The following GTF3C2 variants were observed in gnomAD, a reference collection of about 807,000 sequenced individuals.
The protein encoded by GTF3C2 is general transcription factor 3C polypeptide 2.
Under a neutral mutation model 117.4 loss-of-function variants are expected in GTF3C2, and 17 were observed. That is an observed-to-expected ratio of 0.14 (90% CI 0.10 to 0.22). The LOEUF (loss-of-function observed/expected upper bound fraction) is 0.22. Among genes scored for constraint, GTF3C2 ranks in the 10% least tolerant of loss-of-function variants. The probability of loss-of-function intolerance (pLI) is 1.00; values close to 1 mark genes in which losing one functional copy is unlikely to be tolerated. For missense variants in GTF3C2, 888 were observed against 1,143.6 expected, an observed-to-expected ratio of 0.78 and a Z score of 3.22; for synonymous variants, 437 against 427.0, an observed-to-expected ratio of 1.02 and a Z score of -0.29.
Position 27,335,942 on chromosome 2 carries a change from C to T in GTF3C2, c.1442G>A (p.Trp481Ter). The T allele has an allele frequency of 6.2e-7, 1 of 1,612,348 alleles. No homozygotes were observed. The highest frequency in any genetic ancestry group is 8.5e-7 in the Non-Finnish European group (1 of 1,178,398). Residue 481 changes from tryptophan to a stop codon, truncating the protein, a stop_gained, in exon 9 of 19, where the codon TGG becomes TAG. Transcript: ENST00000264720. LOFTEE classifies it high-confidence loss of function. ...CTTCCGAGGGGTGCCTGGAAGTTCCCATGCTCCACTGGGGCAGAACTTGAG... is the reference window on the plus strand; with the variant it reads ...CTTCCGAGGGGTGCCTGGAAGTTCCTATGCTCCACTGGGGCAGAACTTGAG...
chr2:27,349,394 G>A (rs1170515753), intron 1 of GTF3C2, among the ~76,000 whole-genome samples: 1 of 151,700 alleles, frequency 6.6e-6, no homozygotes, highest in African/African-American at 2.4e-5. Context: ...TGATCCGCCC[G>A]CCGCGGCCTC....
At chr2:27,356,512 G>A (rs771783597) in intron 1 of GTF3C2, 2 of 230,472 alleles carry the variant, frequency 8.7e-6, no homozygotes, top group South Asian at 5.8e-5. Context: ...TGGGGGAGGA[G>A]GGCAAGACCC....
At chr2:27,350,809 C>T (rs1213930680) in intron 1 of GTF3C2, among the ~76,000 whole-genome samples, 3 of 151,614 alleles carry the variant, frequency 2.0e-5, no homozygotes, top group Admixed American at 6.6e-5. Context: ...ATTAGCCAGG[C>T]GTGGTGGAAT....
exon 19 of GTF3C2, chr2:27,326,274 A>G (rs1179413260): frequency 4.2e-6 from 2 of 473,842 alleles, no homozygotes; most frequent in Non-Finnish European, 4.3e-6. Context: ...GTCAGACAGG[A>G]GCCTTCATGC....
chr2:27,353,195 C>T (rs980251752), intron 1 of GTF3C2, among the ~76,000 whole-genome samples: 2 of 152,006 alleles, frequency 1.3e-5, no homozygotes, highest in African/African-American at 4.8e-5. Context: ...GAGATCGAGA[C>T]CATCCTGGCC....
rs558082393 is a variant in GTF3C2, at chr2:27,341,217, G to A, written c.855+731C>T. On this transcript the variant is annotated intron_variant, in intron 4 of 18. Transcript: ENST00000264720. ...TGCCTGGCTAATTTTTGTATTTTTA[G>A]GAGAGACGGGGTTTCACTATATTGG... 4.0e-5 allele frequency among the ~76,000 whole-genome samples: 6 copies of A among 151,828 alleles called. No homozygotes were observed. In the East Asian group the frequency reaches 7.8e-4, roughly 20 times the overall value.
chr2:27,346,016 CT>C (rs70953853), intron 1 of GTF3C2, among the ~76,000 whole-genome samples: 28,685 of 97,788 alleles, frequency 0.29, 3,153 homozygotes, highest in African/African-American at 0.41. Flanking sequence ...TGCCCCGCCA[CT>C]TTTTTTTTTT....
At chr2:27,330,132 C>A (rs1385214206) in intron 12 of GTF3C2, among the ~76,000 whole-genome samples, 8 of 132,332 alleles carry the variant, frequency 6.0e-5, no homozygotes, top group Non-Finnish European at 1.3e-4. Flanking sequence ...CAAGAGCAGA[C>A]TCCGTCTCAA....
chr2:27,340,357 AGT>A (rs1468311455), intron 4 of GTF3C2: 1 of 151,870 alleles, frequency 6.6e-6, no homozygotes, highest in East Asian at 1.9e-4. Context: ...CAGCCTCCCG[AGT>A]AGCTGGGACT....
At position 27,347,950 on chromosome 2, in the gene GTF3C2, A is replaced by G. The variant is rs773702805; in HGVS notation, c.-24-4372T>C. On this transcript the variant is annotated intron_variant, in intron 1 of 18. Transcript: ENST00000264720. ...GGAGTTTGAGACCAGCCTGGGCAAC[A>G]TGGCAAAACCCTGTCTCTACAGAAA... is the stretch of plus-strand genomic sequence containing the variant. Among the ~76,000 whole-genome samples, 138 of 152,044 alleles carry G rather than the reference A, an allele frequency of 9.1e-4. 1 individual carries two copies. The highest frequency in any genetic ancestry group is 1.4e-3 in the Admixed American group (22 of 15,244).
intron 1 of GTF3C2, among the ~76,000 whole-genome samples, chr2:27,352,823 C>T (rs1681181306): frequency 6.6e-6 from 1 of 152,184 alleles, no homozygotes; most frequent in Non-Finnish European, 1.5e-5. Context: ...GGACATTTCT[C>T]AGCCTCATTC....
chr2:27,336,133 C>T lies in GTF3C2; in HGVS notation c.1355+65G>A, dbSNP rs564240062. 2.9e-5 allele frequency: 42 copies of T among 1,427,822 alleles called. No individual in the cohort carries two copies. The South Asian group carries it at 4.3e-4, about 14-fold the overall frequency. The allele number at this position is 1,427,822 out of a possible 1,614,324, so 88.4% of individuals were successfully genotyped here. On this transcript the variant is annotated intron_variant, in intron 8 of 18. Coordinates refer to ENST00000264720, the Ensembl canonical transcript of GTF3C2. ...GCCCAATCCAAGCCCTTCCCCCTAT[C>T]CTGTCCAGACCCCATCCTGCTGTCC...
intron 17 of GTF3C2, 43 bp from the exon 18 acceptor site, chr2:27,327,327 C>CG (rs1261417663): frequency 9.2e-7 from 1 of 1,084,916 alleles, no homozygotes; most frequent in African/African-American, 1.6e-5. Context: ...GTGAGACGCT[C>CG]GTTTGTTTTT....
intron 3 of GTF3C2, 25 bp from the exon 4 acceptor site, chr2:27,342,258 C>G: frequency 6.3e-7 from 1 of 1,581,968 alleles, no homozygotes; most frequent in South Asian, 1.1e-5. Context: ...AGAGTCAGAG[C>G]CATTCTCACA....
At position 27,328,009 on chromosome 2, in the gene GTF3C2, C is replaced by G. The variant is rs377281248; in HGVS notation, c.2409+28G>C. 3.2e-6 allele frequency: 5 copies of G among 1,583,724 alleles called. No individual in the cohort carries two copies. The African/African-American group carries it at 6.8e-5, about 22-fold the overall frequency. ...TAAAGTTTTCTACCTTTTCTAATAC[C>G]ACACCCATTCTCCTGGCCTCAGCTT... On this transcript the variant is annotated intron_variant, in intron 17 of 18. Transcript: ENST00000264720.
At chr2:27,355,543 T>G (rs568007826) in intron 1 of GTF3C2, among the ~76,000 whole-genome samples, 4 of 151,786 alleles carry the variant, frequency 2.6e-5, no homozygotes, top group Non-Finnish European at 4.4e-5. Flanking sequence ...AATACACTTC[T>G]CATGGAAGGC....
chr2:27,329,336 C>T lies in GTF3C2; in HGVS notation c.1877+43G>A. 1 of 1,613,860 alleles carries T rather than the reference C, an allele frequency of 6.2e-7. No homozygotes were observed. The highest frequency in any genetic ancestry group is 8.5e-7 in the Non-Finnish European group (1 of 1,179,734). On this transcript the variant is annotated intron_variant, in intron 13 of 18. Transcript: ENST00000264720. The surrounding 1 kb of genome is among the most constrained non-coding windows in gnomAD (Gnocchi z 4.5). ...CAAACAAATCCGGAAGTCAGCCTGT[C>T]CCAGTCTTCACCTTCCCCCTCCACA...
At chr2:27,343,731 T>C (rs1680825905) in intron 1 of GTF3C2, 153 bp from the exon 2 acceptor site, 2 of 636,546 alleles carry the variant, frequency 3.1e-6, no homozygotes, top group South Asian at 3.8e-5. Context: ...GCACCTTCTA[T>C]ATGTCAGGAC....
intron 12 of GTF3C2, 66 bp downstream of exon 12, chr2:27,333,589 A>G: frequency 8.8e-7 from 1 of 1,139,182 alleles, no homozygotes; most frequent in Non-Finnish European, 1.3e-6. Flanking sequence ...GAAAGAACCA[A>G]AAAACAAGCA....
Sources: gnomAD v4.1 joint callset for allele counts (sites outside exome capture counted in the v4.1 genomes callset) on GRCh38, gnomAD v4.1.1 for gene constraint, Gnocchi (gnomAD v3.1) non-coding constraint, MANE v1.5 for transcripts, NCBI Gene and HGNC (gene_info 2026-07-23, HGNC 2026-07-21) for gene names.